Variants in HS3ST3B1 observed in about 807,000 individuals in gnomAD.
HS3ST3B1 encodes the protein heparan sulfate-glucosamine 3-sulfotransferase 3B1.
HS3ST3B1 carries 13 observed loss-of-function variants against 21.3 expected under a neutral mutation model. The ratio of observed to expected loss-of-function variants is 0.61; its 90% CI spans 0.40 to 0.97. The LOEUF is 0.97. Among genes scored for constraint, HS3ST3B1 ranks in the 50% least tolerant of loss-of-function variants. The pLI, the probability that HS3ST3B1 is intolerant of heterozygous loss-of-function variation, is 0.00. For synonymous variants in HS3ST3B1, 234 were observed against 254.8 expected, an observed-to-expected ratio of 0.92 and a Z score of 0.78; for missense variants, 459 against 554.8, an observed-to-expected ratio of 0.83 and a Z score of 1.73.
chr17:14,327,129 A>T (rs1303706863), intron 1 of HS3ST3B1, among the ~76,000 whole-genome samples: 1 of 152,038 alleles, frequency 6.6e-6, no homozygotes, highest in Non-Finnish European at 1.5e-5. Flanking sequence ...TGGCCATATC[A>T]CTGACTCCTT....
At chr17:14,328,560 G>C (rs1909887486) in intron 1 of HS3ST3B1, 1 of 152,132 alleles carries the variant, frequency 6.6e-6, no homozygotes, top group Admixed American at 6.5e-5. Context: ...GACATCTCTT[G>C]GTCACCCTCA....
intron 1 of HS3ST3B1, among the ~76,000 whole-genome samples, chr17:14,338,487 G>A (rs1910264987): frequency 6.6e-6 from 1 of 151,280 alleles, no homozygotes; most frequent in African/African-American, 2.4e-5. Flanking sequence ...TTGTTGCCCA[G>A]GCTGGAGTGC....
chr17:14,335,421 G>A (rs925258623), intron 1 of HS3ST3B1, among the ~76,000 whole-genome samples: 1 of 152,184 alleles, frequency 6.6e-6, no homozygotes, highest in Non-Finnish European at 1.5e-5. Flanking sequence ...TTGGCCAGAT[G>A]CGGTGGCTCA....
intron 1 of HS3ST3B1, among the ~76,000 whole-genome samples, chr17:14,332,856 A>G (rs1181400880): frequency 2.9e-5 from 3 of 103,176 alleles, no homozygotes; most frequent in Non-Finnish European, 5.7e-5. Context: ...TTTTTTTTTA[A>G]TGTCGTAGGT....
intron 1 of HS3ST3B1, among the ~76,000 whole-genome samples, chr17:14,306,104 T>G (rs1232791309): frequency 2.0e-5 from 3 of 152,222 alleles, no homozygotes; most frequent in Non-Finnish European, 4.4e-5. Flanking sequence ...GTTTGACAGC[T>G]TTCTGACATG....
intron 1 of HS3ST3B1, among the ~76,000 whole-genome samples, chr17:14,338,520 G>A (rs1910266545): frequency 6.6e-6 from 1 of 151,606 alleles, no homozygotes; most frequent in Non-Finnish European, 1.5e-5. Context: ...TCGGCTCACT[G>A]CAACCTCTGC....
At chr17:14,340,170 C>T (rs1231683537) in intron 1 of HS3ST3B1, among the ~76,000 whole-genome samples, 1 of 152,164 alleles carries the variant, frequency 6.6e-6, no homozygotes. Context: ...GCCTCCTGAA[C>T]CTTCTCCCAG....
intron 1 of HS3ST3B1, among the ~76,000 whole-genome samples, chr17:14,343,416 T>C (rs1007565717): frequency 6.6e-6 from 1 of 152,100 alleles, no homozygotes; most frequent in African/African-American, 2.4e-5. Context: ...GTGAAATAGA[T>C]CCCTACAACT....
At chr17:14,316,338 G>A (rs1447818803) in intron 1 of HS3ST3B1, among the ~76,000 whole-genome samples, 3 of 152,246 alleles carry the variant, frequency 2.0e-5, no homozygotes, top group Admixed American at 6.5e-5. Flanking sequence ...GGCTGAGGCC[G>A]AGGCCGGGGG....
At chr17:14,324,171 A>T (rs1467487930) in intron 1 of HS3ST3B1, among the ~76,000 whole-genome samples, 1 of 152,076 alleles carries the variant, frequency 6.6e-6, no homozygotes, top group African/African-American at 2.4e-5. Context: ...TTACACATGG[A>T]GACAGGACGT....
intron 1 of HS3ST3B1, among the ~76,000 whole-genome samples, chr17:14,313,146 T>TACATA (rs1909384357): frequency 2.2e-5 from 2 of 92,912 alleles, no homozygotes; most frequent in South Asian, 4.5e-4. Context: ...ATATATATAT[T>TACATA]TTTAGTAGAG....
intron 1 of HS3ST3B1, among the ~76,000 whole-genome samples, chr17:14,308,781 A>G (rs147134672): frequency 6.6e-6 from 1 of 152,352 alleles, no homozygotes; most frequent in East Asian, 1.9e-4. Context: ...GCCATTGCCC[A>G]GAATGTGAAC....
intron 1 of HS3ST3B1, among the ~76,000 whole-genome samples, chr17:14,315,360 T>C: frequency 6.6e-6 from 1 of 152,218 alleles, no homozygotes; most frequent in Non-Finnish European, 1.5e-5. Flanking sequence ...ACACGCACAC[T>C]GGCTAGTGAG....
intron 1 of HS3ST3B1, among the ~76,000 whole-genome samples, chr17:14,333,595 TG>T (rs1910090727): frequency 6.7e-6 from 1 of 149,446 alleles, no homozygotes; most frequent in Admixed American, 6.7e-5. Context: ...CAAGGTGCTG[TG>T]GGTGAGGGGG....
In HS3ST3B1 at chr17:14,303,453, G is replaced by T. The variant is rs952308229; in HGVS notation, c.554+1381G>T. The stretch of plus-strand genomic sequence containing the variant: ...TTTATTATTGTCAGGAGTTGCCCAA[G>T]TCTCGAGGTTTAGCCAACCGTGACA... On this transcript the variant is annotated intron_variant, in intron 1 of 1. Transcript: ENST00000360954. This position sits in a 1 kb window ranked among gnomAD's most constrained non-coding sequence, Gnocchi z 5.7. 6.6e-6 allele frequency among the ~76,000 whole-genome samples: 1 copy of T among 152,106 alleles called. No homozygotes were observed. Among genetic ancestry groups the T allele is most frequent in the South Asian group, 2.1e-4 (1 of 4,824 alleles).
At chr17:14,312,101 TAA>T (rs11289762) in intron 1 of HS3ST3B1, among the ~76,000 whole-genome samples, 5 of 150,468 alleles carry the variant, frequency 3.3e-5, no homozygotes, top group African/African-American at 7.3e-5. Flanking sequence ...ACTGTGTGAT[TAA>T]AAAAAAAAAT....
In HS3ST3B1 at chr17:14,302,062, G is replaced by C; in HGVS notation, c.544G>C (p.Ala182Pro). 1 of 1,600,390 alleles carries C rather than the reference G, an allele frequency of 6.2e-7. No homozygotes were observed. The change falls in exon 1 of 2, where the codon GCT (alanine) becomes CCT (proline). Residue 182 changes from alanine to proline, a missense_variant. This residue lies in a region of HS3ST3B1 where 317 missense variants were observed against 278.6 expected (regional missense o/e 1.14). Transcript: ENST00000360954. ...CGATCGCAGCTACGACAAGGGCCTC[G>C]CTTGGTACCGGTGAGTTTCCCTGCC... Reference protein sequence around the residue: ...FFDRSYDKGLAWYRDLMPRTL... With the variant: ...FFDRSYDKGLPWYRDLMPRTL...
At chr17:14,302,676 TGGCCCGGCGCCTCCGCCTGGCGGGCGGGC>T (rs1908978232) in intron 1 of HS3ST3B1, among the ~76,000 whole-genome samples, 1 of 151,784 alleles carries the variant, frequency 6.6e-6, no homozygotes, top group African/African-American at 2.4e-5. Context: ...GCCGGGCGGG[TGGCCCGGCGCCTCCGCCTGGCGGGCGGGC>T]GGCGCGCGGA....
intron 1 of HS3ST3B1, among the ~76,000 whole-genome samples, chr17:14,322,326 G>A (rs557924211): frequency 3.9e-5 from 6 of 151,938 alleles, no homozygotes; most frequent in East Asian, 3.9e-4. Flanking sequence ...CAGCCTCACC[G>A]TCCCATTCTC....
Sources: gnomAD v4.1 joint callset for allele counts (sites outside exome capture counted in the v4.1 genomes callset) on GRCh38, gnomAD v4.1.1 for gene constraint, gnomAD v4.1.1 regional missense constraint, Gnocchi (gnomAD v3.1) non-coding constraint, MANE v1.5 for transcripts, NCBI Gene and HGNC (gene_info 2026-07-23, HGNC 2026-07-21) for gene names.